Variants in TRIM71 observed in about 807,000 individuals in gnomAD.
TRIM71 encodes the protein E3 ubiquitin-protein ligase TRIM71.
Under a neutral mutation model 61.2 loss-of-function variants are expected in TRIM71, and 9 were observed. That is an observed-to-expected ratio of 0.15 (90% CI 0.09 to 0.26). The LOEUF (loss-of-function observed/expected upper bound fraction) is 0.26. Among genes scored for constraint, TRIM71 ranks in the 10% least tolerant of loss-of-function variants. The pLI is 1.00. For missense variants in TRIM71, 998 were observed against 1,238.7 expected, an observed-to-expected ratio of 0.81 and a Z score of 2.92; for synonymous variants, 645 against 553.2, an observed-to-expected ratio of 1.17 and a Z score of -2.33.
intron 1 of TRIM71, among the ~76,000 whole-genome samples, chr3:32,860,862 C>T (rs1696659602): frequency 6.6e-6 from 1 of 152,138 alleles, no homozygotes; most frequent in Non-Finnish European, 1.5e-5. Context: ...CAAACACTAA[C>T]TTGAAAAGGG....
intron 1 of TRIM71, among the ~76,000 whole-genome samples, chr3:32,819,278 GCT>G (rs1408053938): frequency 6.6e-6 from 1 of 151,886 alleles, no homozygotes; most frequent in Non-Finnish European, 1.5e-5. Flanking sequence ...GCCTGCTCCT[GCT>G]CTTGTGGGCA....
intron 1 of TRIM71, among the ~76,000 whole-genome samples, chr3:32,864,262 C>CA (rs984085899): frequency 2.6e-5 from 4 of 152,196 alleles, no homozygotes; most frequent in Admixed American, 2.6e-4. Flanking sequence ...TAATCCAAAA[C>CA]ACAACTCTGG....
At position 32,860,155 on chromosome 3, in the gene TRIM71, C is replaced by A. The variant is rs188887800; in HGVS notation, c.853-13663C>A. Among the ~76,000 whole-genome samples the A allele has an allele frequency of 3.1e-4, 46 of 147,092 alleles. 1 individual carries two copies. In the East Asian group the frequency reaches 8.8e-3, roughly 28 times the overall value. ...CCCCTCTTCCCTCCCCTCTCCCCTC[C>A]CCTCTCCTCCCCTTCCCTCTCTGAT... On this transcript the variant is annotated intron_variant, in intron 1 of 3. Transcript: ENST00000383763.
chr3:32,890,980 G>C lies in TRIM71; in HGVS notation c.1776G>C (p.Pro592=). ...GCAGCTACGTGGGCATTGGGCTCCCGGGCCTGAGCTTCGGCAGTGAGGGTG... is the reference window on the plus strand; with the variant it reads ...GCAGCTACGTGGGCATTGGGCTCCCCGGCCTGAGCTTCGGCAGTGAGGGTG... ...SGRSYVGIGL[P]GLSFGSEGDS... is the part of the protein sequence containing the mutation. The change falls in exon 4 of 4, where the codon CCG becomes CCC. Residue 592 remains proline, a synonymous_variant. Transcript: ENST00000383763. This position sits in a 1 kb window ranked among gnomAD's most constrained non-coding sequence, Gnocchi z 6.2. The C allele has an allele frequency of 6.2e-7, 1 of 1,614,162 alleles. No homozygotes were observed.
intron 1 of TRIM71, among the ~76,000 whole-genome samples, chr3:32,843,039 A>T: frequency 6.6e-6 from 1 of 151,870 alleles, no homozygotes; most frequent in East Asian, 1.9e-4. Flanking sequence ...TATTTATAGG[A>T]TTATCGGGGT....
intron 1 of TRIM71, among the ~76,000 whole-genome samples, chr3:32,852,460 T>TA (rs2125682390): frequency 6.6e-6 from 1 of 152,284 alleles, no homozygotes; most frequent in African/African-American, 2.4e-5. Context: ...TGTGAGAACT[T>TA]AGAAACGGAC....
At chr3:32,867,020 TGA>T (rs1559546633) in intron 1 of TRIM71, among the ~76,000 whole-genome samples, 1 of 152,206 alleles carries the variant, frequency 6.6e-6, no homozygotes, top group Non-Finnish European at 1.5e-5. Context: ...GCAGTTGCGA[TGA>T]GTTCAGATGC....
chr3:32,828,977 TCC>T (rs1335896074), intron 1 of TRIM71, among the ~76,000 whole-genome samples: 3 of 150,096 alleles, frequency 2.0e-5, no homozygotes, highest in East Asian at 4.0e-4. Flanking sequence ...TGAGCCACTG[TCC>T]CCCACTAGAA....
chr3:32,868,934 C>T (rs1198183414), intron 1 of TRIM71, among the ~76,000 whole-genome samples: 3 of 152,136 alleles, frequency 2.0e-5, no homozygotes, highest in African/African-American at 4.8e-5. Context: ...GCCAGGGCTA[C>T]AGGAGAGGCT....
intron 1 of TRIM71, among the ~76,000 whole-genome samples, chr3:32,852,855 G>A (rs1270088196): frequency 6.6e-6 from 1 of 151,824 alleles, no homozygotes; most frequent in African/African-American, 2.4e-5. Flanking sequence ...TTAGGAACAC[G>A]AAGAGAATAG....
chr3:32,831,941 A>C (rs1276787930), intron 1 of TRIM71, among the ~76,000 whole-genome samples: 4 of 152,154 alleles, frequency 2.6e-5, no homozygotes, highest in African/African-American at 9.7e-5. Context: ...TGATGTGTTA[A>C]AATTTGCCAT....
chr3:32,887,882 G>A (rs965637879), intron 3 of TRIM71, among the ~76,000 whole-genome samples: 1 of 152,064 alleles, frequency 6.6e-6, no homozygotes, highest in African/African-American at 2.4e-5. Context: ...CACCCTAAAG[G>A]GAAAGTCAGG....
At chr3:32,876,138 G>A (rs1036480529) in intron 2 of TRIM71, among the ~76,000 whole-genome samples, 3 of 152,128 alleles carry the variant, frequency 2.0e-5, no homozygotes, top group Admixed American at 2.0e-4. Flanking sequence ...TCATTCTGTT[G>A]TATATCAGTG....
chr3:32,834,354 A>C (rs1201268925), intron 1 of TRIM71, among the ~76,000 whole-genome samples: 1 of 152,188 alleles, frequency 6.6e-6, no homozygotes, highest in East Asian at 1.9e-4. Context: ...CCTGTTGTGC[A>C]ATAAATCCAG....
intron 1 of TRIM71, among the ~76,000 whole-genome samples, chr3:32,833,177 C>CT (rs1292369860): frequency 6.9e-5 from 4 of 57,834 alleles, no homozygotes; most frequent in Non-Finnish European, 1.3e-4. Context: ...GAATGAAACT[C>CT]TGTCTTTAAA....
intron 2 of TRIM71, among the ~76,000 whole-genome samples, chr3:32,882,678 A>G (rs893748160): frequency 2.6e-5 from 4 of 152,006 alleles, no homozygotes; most frequent in African/African-American, 9.7e-5. Flanking sequence ...TCCCAAGTAG[A>G]TGGGACTATA....
chr3:32,869,661 C>T (rs999251150), intron 1 of TRIM71, among the ~76,000 whole-genome samples: 4 of 152,274 alleles, frequency 2.6e-5, no homozygotes, highest in African/African-American at 9.6e-5. Flanking sequence ...CCTTTAACCT[C>T]CCTCCCCCAT....
At chr3:32,821,923 G>A (rs1696139344) in intron 1 of TRIM71, among the ~76,000 whole-genome samples, 2 of 152,078 alleles carry the variant, frequency 1.3e-5, no homozygotes, top group African/African-American at 4.8e-5. Context: ...ATTCACGGCC[G>A]CTCTGGTCAT....
At chr3:32,885,842 C>T in intron 2 of TRIM71, 92 bp from the exon 3 acceptor site, 1 of 1,500,750 alleles carries the variant, frequency 6.7e-7, no homozygotes, top group Admixed American at 2.2e-5. Context: ...AGGGTGTCAG[C>T]TTTTCAAGTC....
Sources: allele counts gnomAD v4.1 joint callset (sites outside exome capture counted in the v4.1 genomes callset), GRCh38; gene constraint gnomAD v4.1.1; non-coding constraint Gnocchi (gnomAD v3.1); transcripts MANE v1.5; gene names NCBI Gene and HGNC (gene_info 2026-07-23, HGNC 2026-07-21).